JAK2: variants seen among roughly 807,000 people sequenced by gnomAD.
JAK2 encodes tyrosine-protein kinase JAK2.
Under a neutral mutation model 139.3 loss-of-function variants are expected in JAK2, and 86 were observed. The ratio of observed to expected loss-of-function variants is 0.62; its 90% CI spans 0.52 to 0.74. The LOEUF (loss-of-function observed/expected upper bound fraction) is 0.74. JAK2 is among the 30% of genes least tolerant of loss of function. The pLI is 0.00. For synonymous variants in JAK2, 490 were observed against 437.7 expected, an observed-to-expected ratio of 1.12 and a Z score of -1.49; for missense variants, 1,421 against 1,360.3, an observed-to-expected ratio of 1.04 and a Z score of -0.70.
chr9:5,047,612 A>T (rs1817102382), intron 5 of JAK2, among the ~76,000 whole-genome samples: 2 of 152,062 alleles, frequency 1.3e-5, no homozygotes, highest in Non-Finnish European at 2.9e-5. Context: ...CTTAAGTTCA[A>T]ATTTTGTCAG....
intron 2 of JAK2, among the ~76,000 whole-genome samples, chr9:5,010,513 G>C (rs1275376345): frequency 6.6e-6 from 1 of 151,954 alleles, no homozygotes; most frequent in African/African-American, 2.4e-5. Flanking sequence ...TACAGACAGG[G>C]TTTCACCATG....
chr9:5,112,834 C>T (rs1442966178), intron 22 of JAK2: 3 of 560,302 alleles, frequency 5.4e-6, no homozygotes, highest in Admixed American at 3.7e-5. Context: ...CCCACAACCC[C>T]GCTGGGCACG....
At chr9:4,993,920 G>A (rs1361164756) in intron 2 of JAK2, among the ~76,000 whole-genome samples, 4 of 152,126 alleles carry the variant, frequency 2.6e-5, no homozygotes, top group Non-Finnish European at 5.9e-5. Context: ...TTAGTGGATC[G>A]GTGTGTCTAA....
At chr9:5,093,820 T>A (rs1729296173) in intron 22 of JAK2, among the ~76,000 whole-genome samples, 3 of 152,308 alleles carry the variant, frequency 2.0e-5, no homozygotes, top group Admixed American at 2.0e-4. Flanking sequence ...GTGTAGCCGC[T>A]ATTAAGGGTT....
chr9:5,114,361 A>G lies in JAK2; in HGVS notation c.3060-8643A>G, dbSNP rs1030465125. On this transcript the variant is annotated intron_variant, in intron 22 of 24. Transcript: ENST00000381652. The stretch of plus-strand genomic sequence containing the variant: ...ATCCTAAGGCAAGAGAAGCAGTGCA[A>G]TGGCACGTTCACCATCACGTCCACC... The G allele has an allele frequency of 9.4e-6, 5 of 533,226 alleles. No homozygotes were observed. The African/African-American group carries it at 9.5e-5, about 10-fold the overall frequency. The allele number at this position is 533,226 out of a possible 1,614,324, so 33.0% of individuals were successfully genotyped here. A position where few individuals can be genotyped will look rare whatever the true frequency, so the allele number is the denominator to read the frequency against.
intron 22 of JAK2, among the ~76,000 whole-genome samples, chr9:5,095,439 G>T (rs1217303380): frequency 6.6e-6 from 1 of 152,074 alleles, no homozygotes; most frequent in Non-Finnish European, 1.5e-5. Context: ...TAATTCTCAT[G>T]ATGGGTATCC....
chr9:5,022,525 T>C (rs1164943221), intron 3 of JAK2, among the ~76,000 whole-genome samples: 1 of 152,192 alleles, frequency 6.6e-6, no homozygotes, highest in Non-Finnish European at 1.5e-5. Flanking sequence ...TAAAGCTAGA[T>C]CCTGAGAGCA....
chr9:5,078,375 A>G lies in JAK2; in HGVS notation c.2062A>G (p.Lys688Glu), dbSNP rs2130590767. Reference protein sequence around the residue: ...NILLIREEDRKTGNPPFIKLS... With the variant: ...NILLIREEDRETGNPPFIKLS... ...TCTGCTTATCAGAGAAGAAGACAGG[A>G]AGACAGGAAATCCTCCTTTCATCAA... is the stretch of plus-strand genomic sequence containing the variant. Residue 688 changes from lysine (K) to glutamate (E), a missense_variant, in exon 16 of 25, where the codon AAG (lysine) becomes GAG (glutamate). Lys to Glu is a moderately conservative substitution (Grantham distance 56). Coordinates refer to ENST00000381652, the MANE Select transcript of JAK2 (RefSeq NM_004972.4). The G allele has an allele frequency of 6.2e-7, 1 of 1,612,940 alleles. No individual in the cohort carries two copies. Among genetic ancestry groups the G allele is most frequent in the Non-Finnish European group, 8.5e-7 (1 of 1,179,144 alleles).
chr9:4,993,028 GCCTGTAGTGCT>G (rs1820348761), intron 2 of JAK2, among the ~76,000 whole-genome samples: 1 of 152,064 alleles, frequency 6.6e-6, no homozygotes, highest in Admixed American at 6.6e-5. Flanking sequence ...CTTGCTTCCT[GCCTGTAGTGCT>G]CCAGAGTCCA....
At chr9:5,085,994 G>C (rs1003028280) in intron 19 of JAK2, 2 of 903,734 alleles carry the variant, frequency 2.2e-6, no homozygotes, top group Non-Finnish European at 1.9e-6. Flanking sequence ...ACGGGGTTGT[G>C]TGATGAAACT....
chr9:5,101,611 G>C (rs1476150115), intron 22 of JAK2, among the ~76,000 whole-genome samples: 1 of 152,236 alleles, frequency 6.6e-6, no homozygotes, highest in Non-Finnish European at 1.5e-5. Context: ...CTAAGTGGGA[G>C]ACACCTCCCA....
At chr9:5,031,171 T>A (rs1223783552) in intron 4 of JAK2, among the ~76,000 whole-genome samples, 3 of 152,152 alleles carry the variant, frequency 2.0e-5, no homozygotes, top group Non-Finnish European at 4.4e-5. Context: ...TCTAAGCCAA[T>A]CAAAATCCTA....
intron 22 of JAK2, among the ~76,000 whole-genome samples, chr9:5,104,653 T>C (rs989091621): frequency 1.3e-5 from 2 of 152,080 alleles, no homozygotes; most frequent in African/African-American, 4.8e-5. Flanking sequence ...GATGTGAAAA[T>C]CCTCAATAAA....
intron 19 of JAK2, chr9:5,085,964 AC>A: frequency 1.8e-6 from 2 of 1,103,152 alleles, no homozygotes; most frequent in Non-Finnish European, 2.8e-6. Context: ...TGTATTTCTC[AC>A]CACTGTGTGT....
intron 19 of JAK2, 35 bp downstream of exon 19, chr9:5,081,896 T>G: frequency 1.3e-6 from 2 of 1,547,362 alleles, no homozygotes; most frequent in Non-Finnish European, 1.8e-6. Flanking sequence ...TAGAGTATAA[T>G]CATTTCATTT....
At chr9:4,990,945 AAC>A (rs919975977) in intron 2 of JAK2, among the ~76,000 whole-genome samples, 12 of 152,196 alleles carry the variant, frequency 7.9e-5, no homozygotes, top group African/African-American at 2.7e-4. Context: ...GATATTTTTC[AAC>A]AGATTGTCAT....
At position 5,054,062 on chromosome 9, in the gene JAK2, GAGTTGA is replaced by G. The variant is rs537780731; in HGVS notation, c.615-498_615-493del. Among the ~76,000 whole-genome samples the G allele has an allele frequency of 6.6e-6, 1 of 152,130 alleles. No homozygotes were observed. The highest frequency in any genetic ancestry group is 2.1e-4 in the South Asian group (1 of 4,824). ...GTTTTGATCACAAAGGAATTATTAG[GAGTTGA>G]AGCTGGCCTAACAAAATAATATACA... is the stretch of plus-strand genomic sequence containing the variant. On this transcript the variant is annotated intron_variant, in intron 6 of 24. Coordinates refer to ENST00000381652, the MANE Select transcript of JAK2 (RefSeq NM_004972.4). The surrounding 1 kb of genome is among the most constrained non-coding windows in gnomAD (Gnocchi z 4.9).
chr9:5,032,489 C>T (rs894232652), intron 4 of JAK2, among the ~76,000 whole-genome samples: 3 of 152,222 alleles, frequency 2.0e-5, no homozygotes, highest in Non-Finnish European at 2.9e-5. Flanking sequence ...AACTGGGAGG[C>T]ACCCCCAAGT....
intron 2 of JAK2, among the ~76,000 whole-genome samples, chr9:4,993,189 T>C (rs1468425065): frequency 6.6e-6 from 1 of 152,180 alleles, no homozygotes; most frequent in African/African-American, 2.4e-5. Context: ...AACTCTTTCC[T>C]CCCCTAAGCT....
Sources: allele counts gnomAD v4.1 joint callset (sites outside exome capture counted in the v4.1 genomes callset), GRCh38; gene constraint gnomAD v4.1.1; non-coding constraint Gnocchi (gnomAD v3.1); transcripts MANE v1.5; gene names NCBI Gene and HGNC (gene_info 2026-07-23, HGNC 2026-07-21).